EFHB: variants seen among roughly 807,000 people sequenced by gnomAD.
EFHB encodes EF-hand domain family member B.
Under a neutral mutation model 87.2 loss-of-function variants are expected in EFHB, and 91 were observed. The observed-to-expected ratio is 1.04, with a 90% CI of 0.88 to 1.24. The LOEUF is 1.24. Among genes scored for constraint, EFHB ranks in the 50% most tolerant of loss-of-function variants. The probability of loss-of-function intolerance (pLI) is 0.00; values close to 1 mark genes in which losing one functional copy is unlikely to be tolerated. For missense variants in EFHB, 1,084 were observed against 998.8 expected (o/e 1.09, Z -1.15); for synonymous variants, 325 against 333.6 (o/e 0.97, Z 0.28).
intron 1 of EFHB, chr3:19,946,384 G>C (rs1180818911): frequency 2.0e-5 from 3 of 152,256 alleles, no homozygotes; most frequent in African/African-American, 7.2e-5. Flanking sequence ...TAACAAGTTA[G>C]TTTCAGAATG....
At chr3:19,898,661 A>T in intron 8 of EFHB, 117 bp downstream of exon 8, 1 of 1,011,798 alleles carries the variant, frequency 9.9e-7, no homozygotes, top group Non-Finnish European at 1.5e-6. Flanking sequence ...GCAACATTTT[A>T]AGTCTTTAAA....
intron 1 of EFHB, among the ~76,000 whole-genome samples, chr3:19,942,640 C>T (rs940537265): frequency 1.3e-5 from 2 of 152,076 alleles, no homozygotes; most frequent in African/African-American, 2.4e-5. Flanking sequence ...TCAGTAGGAG[C>T]CCTGAACTTG....
intron 1 of EFHB, among the ~76,000 whole-genome samples, chr3:19,923,968 A>C (rs566982851): frequency 1.8e-4 from 28 of 152,294 alleles, no homozygotes; most frequent in South Asian, 2.1e-4. Context: ...ATGGTGGCCC[A>C]TGCCTATCAT....
chr3:19,935,165 C>T (rs538329475), upstream of EFHB, among the ~76,000 whole-genome samples: 1 of 152,248 alleles, frequency 6.6e-6, no homozygotes, highest in East Asian at 1.9e-4. Context: ...CCGCCTCGGC[C>T]TTCCAAAGTG....
intron 2 of EFHB, 101 bp from the exon 3 acceptor site, chr3:19,920,077 G>C: frequency 1.3e-5 from 16 of 1,194,120 alleles, no homozygotes; most frequent in Non-Finnish European, 1.9e-5. Context: ...GTGCATGTAT[G>C]TAGTAAATGC....
At chr3:19,916,678 G>C (rs73188474) in intron 4 of EFHB, among the ~76,000 whole-genome samples, 5,898 of 152,132 alleles carry the variant, frequency 0.039, 363 homozygotes, top group African/African-American at 0.13. Flanking sequence ...ATGACTAGTG[G>C]TACCCAGTTT....
intron 5 of EFHB, 66 bp downstream of exon 5, chr3:19,915,237 T>C (rs1413266172): frequency 9.9e-7 from 1 of 1,009,172 alleles, no homozygotes; most frequent in Non-Finnish European, 1.5e-6. Context: ...CCAATTTCCT[T>C]TATTCCTCTT....
In EFHB at chr3:19,884,433, T is replaced by C. The variant is rs1258568670; in HGVS notation, c.2116A>G (p.Asn706Asp). 1.2e-6 allele frequency: 2 copies of C among 1,613,698 alleles called. No homozygotes were observed. Among genetic ancestry groups the C allele is most frequent in the Admixed American group, 1.7e-5 (1 of 59,972 alleles). ...GAAGGAATGGCTCCTACAATTGCAT[T>C]GATCTCAGAAGAAGTTGTCTTATAG... ...NYYKTTSSEI[N>D]AIVGAIPSTC... Residue 706 changes from asparagine (N) to aspartate (D), a missense_variant, in exon 11 of 13, where the codon AAT becomes GAT. Coordinates refer to ENST00000295824, the MANE Select transcript of EFHB (RefSeq NM_144715.4).
intron 9 of EFHB, chr3:19,894,593 T>A (rs1694410315): frequency 6.6e-6 from 1 of 152,300 alleles, no homozygotes; most frequent in East Asian, 1.9e-4. Flanking sequence ...TAATCAAAAA[T>A]TAACCTACAG....
In EFHB at chr3:19,905,700, A is replaced by G. The variant is rs1694819323; in HGVS notation, c.1338T>C (p.Ser446=). 2 of 1,613,514 alleles carry G rather than the reference A, an allele frequency of 1.2e-6. No individual in the cohort carries two copies. Among genetic ancestry groups the G allele is most frequent in the South Asian group, 1.1e-5 (1 of 91,020 alleles). Residue 446 remains serine, a synonymous_variant, in exon 6 of 13, where the codon AGT becomes AGC. Transcript: ENST00000295824. The part of the protein sequence containing the change: ...KYNPSSFHRC[S]VYGVPTPHFN... ...AATGTGGTGTTGGTACTCCATACAC[A>G]CTACACCTATGGAAACTTGATGGGT...
intron 12 of EFHB, among the ~76,000 whole-genome samples, chr3:19,880,397 G>GTAGC (rs1559440315): frequency 5.9e-5 from 9 of 151,942 alleles, no homozygotes; most frequent in African/African-American, 2.2e-4. Flanking sequence ...TTACAGGTGT[G>GTAGC]TGCCACCACA....
intron 5 of EFHB, among the ~76,000 whole-genome samples, chr3:19,906,054 C>T (rs966561185): frequency 1.3e-5 from 2 of 152,186 alleles, no homozygotes; most frequent in African/African-American, 2.4e-5. Context: ...GGCACAGTAG[C>T]TCATGCCTGT....
intron 8 of EFHB, among the ~76,000 whole-genome samples, chr3:19,898,326 T>G (rs1323851687): frequency 6.6e-6 from 1 of 152,206 alleles, no homozygotes; most frequent in Non-Finnish European, 1.5e-5. Flanking sequence ...GAAATATAGT[T>G]AAAATGCAGT....
At chr3:19,914,176 G>A (rs1695150066) in intron 5 of EFHB, among the ~76,000 whole-genome samples, 1 of 152,076 alleles carries the variant, frequency 6.6e-6, no homozygotes, top group African/African-American at 2.4e-5. Context: ...TCAAACTCCT[G>A]GGCTCAAGTG....
Position 19,933,416 on chromosome 3 carries a change from C to T in EFHB, c.603G>A (p.Gly201=). ...EVDIGLTQAE[G]PDETKNTEPQ... ...GCTCTGTATTCTTAGTCTCATCTGG[C>T]CCCTCGGCTTGGGTTAGTCCAATGT... The change falls in exon 1 of 13, where the codon GGG becomes GGA. Residue 201 remains glycine, a synonymous_variant. Transcript: ENST00000295824. 1.9e-6 allele frequency: 3 copies of T among 1,614,028 alleles called. No individual in the cohort carries two copies. Among genetic ancestry groups the T allele is most frequent in the Non-Finnish European group, 2.5e-6 (3 of 1,179,886 alleles).
At chr3:19,931,232 C>T (rs1286658397) in intron 1 of EFHB, among the ~76,000 whole-genome samples, 1 of 152,196 alleles carries the variant, frequency 6.6e-6, no homozygotes, top group Non-Finnish European at 1.5e-5. Flanking sequence ...CAGCTAGTGC[C>T]ACTGCACAAG....
At chr3:19,919,074 T>A (rs1005330090) in intron 3 of EFHB, among the ~76,000 whole-genome samples, 2 of 152,088 alleles carry the variant, frequency 1.3e-5, no homozygotes, top group Non-Finnish European at 2.9e-5. Context: ...GATCAGGTCT[T>A]CTGAATCTAG....
At chr3:19,923,986 C>A (rs992516418) in intron 1 of EFHB, among the ~76,000 whole-genome samples, 9 of 152,082 alleles carry the variant, frequency 5.9e-5, no homozygotes, top group African/African-American at 1.9e-4. Flanking sequence ...CATCCCAGCA[C>A]TTTGGGAGGC....
At chr3:19,899,299 AC>A (rs1228794457) in intron 7 of EFHB, 132 bp downstream of exon 7, 1 of 640,056 alleles carries the variant, frequency 1.6e-6, no homozygotes, top group Non-Finnish European at 2.4e-6. Context: ...TAACAGATTA[AC>A]TGATTAACAA....
Sources: gnomAD v4.1 joint callset for allele counts (sites outside exome capture counted in the v4.1 genomes callset) on GRCh38, gnomAD v4.1.1 for gene constraint, MANE v1.5 for transcripts, NCBI Gene and HGNC (gene_info 2026-07-23, HGNC 2026-07-21) for gene names.